SUGCT: variants seen among roughly 807,000 people sequenced by gnomAD.
SUGCT encodes the protein succinyl-CoA:glutarate CoA-transferase.
Under a neutral mutation model 55.0 loss-of-function variants are expected in SUGCT, and 41 were observed. The ratio of observed to expected loss-of-function variants is 0.74; its 90% CI spans 0.58 to 0.97. SUGCT has a LOEUF of 0.97. Among genes scored for constraint, SUGCT ranks in the 50% least tolerant of loss-of-function variants. The pLI is 0.00. For missense variants in SUGCT, 568 were observed against 547.8 expected, an observed-to-expected ratio of 1.04 and a Z score of -0.37; for synonymous variants, 187 against 200.4, an observed-to-expected ratio of 0.93 and a Z score of 0.56.
At chr7:40,711,254 G>C (rs552958274) in intron 12 of SUGCT, among the ~76,000 whole-genome samples, 1 of 152,368 alleles carries the variant, frequency 6.6e-6, no homozygotes, top group South Asian at 2.1e-4. Flanking sequence ...GCCCATGCCT[G>C]TAATCCCAGC....
intron 9 of SUGCT, among the ~76,000 whole-genome samples, chr7:40,386,778 C>T (rs967548074): frequency 6.6e-6 from 1 of 152,296 alleles, no homozygotes; most frequent in South Asian, 2.1e-4. Context: ...AATGGAGCCT[C>T]GTGTGGCCAC....
Position 40,511,292 on chromosome 7 carries a change from T to A in SUGCT, c.1089+14906T>A, listed in dbSNP as rs1583865238. On this transcript the variant is annotated intron_variant, in intron 12 of 13. Coordinates refer to ENST00000335693, the MANE Select transcript of SUGCT (RefSeq NM_001193313.2). ...AATTGTGGGAAAACATCTGGCCAAC[T>A]TAAACTTAGGGACCATTGTCCCTAA... 2.6e-5 allele frequency among the ~76,000 whole-genome samples: 4 copies of A among 152,206 alleles called. 1 individual carries two copies. In the Middle Eastern group the frequency reaches 0.014, roughly 518 times the overall value.
intron 12 of SUGCT, among the ~76,000 whole-genome samples, chr7:40,662,989 A>T (rs1009777857): frequency 6.6e-6 from 1 of 152,202 alleles, no homozygotes; most frequent in African/African-American, 2.4e-5. Context: ...CATTTCAATT[A>T]TAACTGAGAA....
At chr7:40,812,787 A>G (rs1018963785) in intron 13 of SUGCT, among the ~76,000 whole-genome samples, 1 of 151,952 alleles carries the variant, frequency 6.6e-6, no homozygotes, top group African/African-American at 2.4e-5. Context: ...CTGTTTCTCT[A>G]CTTCCTCTAG....
chr7:40,756,040 T>C (rs1788237089), intron 13 of SUGCT, among the ~76,000 whole-genome samples: 1 of 152,200 alleles, frequency 6.6e-6, no homozygotes, highest in African/African-American at 2.4e-5. Context: ...AGAATATTGA[T>C]GTTTGGATTT....
At chr7:40,574,684 G>T (rs1365818986) in intron 12 of SUGCT, among the ~76,000 whole-genome samples, 1 of 152,146 alleles carries the variant, frequency 6.6e-6, no homozygotes, top group Non-Finnish European at 1.5e-5. Context: ...CGCCTGCCTT[G>T]ACCTCCCAAA....
At chr7:40,415,070 A>ATCTG (rs1554334892) in intron 9 of SUGCT, among the ~76,000 whole-genome samples, 11,393 of 121,428 alleles carry the variant, frequency 0.094, 922 homozygotes, top group Non-Finnish European at 0.14. Flanking sequence ...AAATCTATCT[A>ATCTG]TCTATCTATC....
intron 13 of SUGCT, among the ~76,000 whole-genome samples, chr7:40,821,661 C>T (rs1405419054): frequency 6.6e-6 from 1 of 152,058 alleles, no homozygotes; most frequent in Admixed American, 6.6e-5. Context: ...CTCTTTTCTT[C>T]TTTACTAGTC....
chr7:40,181,661 G>A (rs565165706), intron 2 of SUGCT, among the ~76,000 whole-genome samples: 30 of 151,936 alleles, frequency 2.0e-4, no homozygotes, highest in Non-Finnish European at 3.5e-4. Context: ...CAGGTGAATG[G>A]CATGAACCCA....
chr7:40,608,725 C>T (rs1798633120), intron 12 of SUGCT, among the ~76,000 whole-genome samples: 1 of 152,036 alleles, frequency 6.6e-6, no homozygotes, highest in Non-Finnish European at 1.5e-5. Flanking sequence ...TCCTTTTGTA[C>T]TTTAGTACAA....
chr7:40,549,431 C>G (rs1795183932), intron 12 of SUGCT, among the ~76,000 whole-genome samples: 1 of 151,946 alleles, frequency 6.6e-6, no homozygotes, highest in Non-Finnish European at 1.5e-5. Flanking sequence ...TAAAGAAATG[C>G]AAGCATTTGG....
intron 9 of SUGCT, among the ~76,000 whole-genome samples, chr7:40,439,168 A>G (rs1470088571): frequency 2.1e-5 from 3 of 142,358 alleles, no homozygotes; most frequent in Non-Finnish European, 3.0e-5. Context: ...TATTTTATGT[A>G]CTTCACACTG....
At chr7:40,459,053 A>G (rs759938485) in intron 10 of SUGCT, 48 bp from the exon 11 acceptor site, 3 of 1,270,470 alleles carry the variant, frequency 2.4e-6, no homozygotes, top group African/African-American at 1.5e-5. Context: ...ACAGGCAGGT[A>G]CAAGAACTAC....
At chr7:40,899,950 T>C in the SUGCT span, among the ~76,000 whole-genome samples, 1 of 152,166 alleles carries the variant, frequency 6.6e-6, no homozygotes, top group Non-Finnish European at 1.5e-5. Context: ...GCCTGGAGTT[T>C]CGCAGGATCT....
intron 7 of SUGCT, among the ~76,000 whole-genome samples, chr7:40,267,215 T>C (rs1030375758): frequency 6.6e-6 from 1 of 152,184 alleles, no homozygotes. Flanking sequence ...CCCTTTCTTG[T>C]CTTTATTGAT....
At chr7:40,693,681 A>G (rs1784795244) in intron 12 of SUGCT, among the ~76,000 whole-genome samples, 1 of 152,176 alleles carries the variant, frequency 6.6e-6, no homozygotes, top group Non-Finnish European at 1.5e-5. Flanking sequence ...CCAGTCAAGA[A>G]AGCCTGACTT....
intron 12 of SUGCT, among the ~76,000 whole-genome samples, chr7:40,596,372 ACAGC>A (rs1231884850): frequency 6.6e-6 from 1 of 152,218 alleles, no homozygotes; most frequent in African/African-American, 2.4e-5. Context: ...AAAGGACCAG[ACAGC>A]CACAGATAAA....
At chr7:40,285,539 C>G (rs112218921) in intron 8 of SUGCT, among the ~76,000 whole-genome samples, 2 of 150,490 alleles carry the variant, frequency 1.3e-5, no homozygotes, top group African/African-American at 4.9e-5. Flanking sequence ...GCCATCGTGT[C>G]CTTGTGTATT....
At chr7:40,476,603 C>G (rs1790693478) in intron 11 of SUGCT, among the ~76,000 whole-genome samples, 1 of 151,916 alleles carries the variant, frequency 6.6e-6, no homozygotes, top group Non-Finnish European at 1.5e-5. Flanking sequence ...GTATTTTTTA[C>G]TTCAATTGGC....
Sources: allele counts gnomAD v4.1 joint callset (sites outside exome capture counted in the v4.1 genomes callset), GRCh38; gene constraint gnomAD v4.1.1; transcripts MANE v1.5; gene names NCBI Gene and HGNC (gene_info 2026-07-23, HGNC 2026-07-21).